The following TSNARE1 variants were observed in gnomAD, a reference collection of about 807,000 sequenced individuals.
The protein encoded by TSNARE1 is t-SNARE domain containing 1, also known as t-SNARE domain-containing protein 1.
A neutral mutation model predicts 62.0 loss-of-function variants in TSNARE1; 49 were observed. The observed-to-expected ratio is 0.79, with a 90% CI of 0.63 to 1.00. TSNARE1 has a LOEUF of 1.00. Ranked by LOEUF, TSNARE1 falls within the 50% of genes least tolerant of loss-of-function variation. TSNARE1 has a pLI of 0.00. For missense variants in TSNARE1, 755 were observed against 700.1 expected (o/e 1.08, Z -0.88); for synonymous variants, 328 against 294.4 (o/e 1.11, Z -1.17).
chr8:142,307,208 T>C (rs1258329582), intron 9 of TSNARE1, among the ~76,000 whole-genome samples: 1 of 152,186 alleles, frequency 6.6e-6, no homozygotes, highest in Non-Finnish European at 1.5e-5. Context: ...CTCAGCGTTA[T>C]GTCCGAGACA....
At chr8:142,274,919 C>A in intron 11 of TSNARE1, 56 bp from the exon 12 acceptor site, 1 of 1,443,988 alleles carries the variant, frequency 6.9e-7, no homozygotes. Flanking sequence ...CGCCCCCGCC[C>A]TGAGGACACC....
chr8:142,234,846 GAAGTCCCCT>G (rs1817325942), intron 12 of TSNARE1, among the ~76,000 whole-genome samples: 1 of 151,676 alleles, frequency 6.6e-6, no homozygotes, highest in African/African-American at 2.4e-5. Context: ...TCCACCTCCT[GAAGTCCCCT>G]CGTCCCCCCA....
chr8:142,343,402 T>C (rs1832861117), intron 4 of TSNARE1, among the ~76,000 whole-genome samples: 1 of 151,280 alleles, frequency 6.6e-6, no homozygotes, highest in African/African-American at 2.4e-5. Flanking sequence ...CGCGTGGCCA[T>C]GGGGAGCGTC....
intron 11 of TSNARE1, chr8:142,278,304 G>A (rs1162872989): frequency 8.1e-6 from 8 of 985,344 alleles, no homozygotes; most frequent in African/African-American, 1.7e-5. Flanking sequence ...GAGCAGCTGA[G>A]GATGCCCCAG....
intron 13 of TSNARE1, among the ~76,000 whole-genome samples, chr8:142,217,426 C>T (rs1385352620): frequency 2.6e-5 from 4 of 151,830 alleles, no homozygotes; most frequent in African/African-American, 7.3e-5. Context: ...AATGGCTGAC[C>T]CCACAAGAGG....
chr8:142,238,743 G>GCCCCTGCATGCCCA (rs1817554218), intron 12 of TSNARE1, among the ~76,000 whole-genome samples: 1 of 16,534 alleles, frequency 6.0e-5, no homozygotes, highest in African/African-American at 3.3e-4. Context: ...CTGCACGCCC[G>GCCCCTGCATGCCCA]CCCCTGCACG....
At chr8:142,279,246 G>A (rs1410772711) in intron 11 of TSNARE1, among the ~76,000 whole-genome samples, 1 of 152,246 alleles carries the variant, frequency 6.6e-6, no homozygotes, top group African/African-American at 2.4e-5. Flanking sequence ...CCGCTGGACT[G>A]CATCTGGAAG....
At position 142,284,418 on chromosome 8, in the gene TSNARE1, G is replaced by A; in HGVS notation, c.1358C>T (p.Ala453Val). 1 of 1,613,048 alleles carries A rather than the reference G, an allele frequency of 6.2e-7. No individual in the cohort carries two copies. Among genetic ancestry groups the A allele is most frequent in the Non-Finnish European group, 8.5e-7 (1 of 1,179,764 alleles). ...AGGCTGGGGCGGGTACCCACCAACA[G>A]CTTCTCCTTGCTCTGACACCATGGA... The part of the protein sequence containing the change: ...LASMVSEQGE[A>V]VDSIEASLEA... The change falls in exon 11 of 14, where the codon GCT becomes GTT. Residue 453 changes from alanine (A) to valine (V), a missense_variant. Coordinates refer to ENST00000524325, the MANE Select transcript of TSNARE1 (RefSeq NM_145003.5).
rs548077247 is a variant in TSNARE1, at chr8:142,397,715, G to A, written c.-40+5389C>T. Among the ~76,000 whole-genome samples the A allele has an allele frequency of 7.9e-5, 12 of 152,248 alleles. No individual in the cohort carries two copies. The South Asian group carries it at 1.7e-3, about 21-fold the overall frequency. Reference sequence around the variant, plus strand: ...CTGGCTTCCATGCTGGGGAGGGCTCGAGCCTGCAGCCTGAAGCCCAGGGTT... The same window carrying A: ...CTGGCTTCCATGCTGGGGAGGGCTCAAGCCTGCAGCCTGAAGCCCAGGGTT... On this transcript the variant is annotated intron_variant, in intron 1 of 13. Coordinates refer to ENST00000524325, the MANE Select transcript of TSNARE1 (RefSeq NM_145003.5).
chr8:142,395,879 G>C (rs1451274014), intron 1 of TSNARE1, among the ~76,000 whole-genome samples: 2 of 152,194 alleles, frequency 1.3e-5, no homozygotes, highest in African/African-American at 4.8e-5. Context: ...TGTTGGGAGA[G>C]ACTGATTCTG....
intron 13 of TSNARE1, among the ~76,000 whole-genome samples, chr8:142,225,934 G>A (rs1371250602): frequency 1.3e-5 from 2 of 152,170 alleles, no homozygotes; most frequent in Non-Finnish European, 2.9e-5. Flanking sequence ...AGCTTCTGGT[G>A]GTGCCAGGTG....
intron 1 of TSNARE1, among the ~76,000 whole-genome samples, chr8:142,394,172 G>A (rs1453397958): frequency 1.3e-5 from 2 of 152,232 alleles, no homozygotes; most frequent in Non-Finnish European, 2.9e-5. Context: ...GCGGCCTCCA[G>A]TGGCCTCCAT....
intron 1 of TSNARE1, among the ~76,000 whole-genome samples, chr8:142,380,202 G>A (rs1437174122): frequency 6.6e-6 from 1 of 152,220 alleles, no homozygotes; most frequent in Non-Finnish European, 1.5e-5. Context: ...GACAGAAACG[G>A]AGACACAGAT....
intron 4 of TSNARE1, among the ~76,000 whole-genome samples, chr8:142,335,986 T>C (rs1220421184): frequency 6.6e-6 from 1 of 152,000 alleles, no homozygotes; most frequent in African/African-American, 2.4e-5. Context: ...CCGATGAGAG[T>C]AAAAGCAAGA....
chr8:142,254,323 G>T (rs990488234), intron 12 of TSNARE1, among the ~76,000 whole-genome samples: 14 of 152,090 alleles, frequency 9.2e-5, no homozygotes, highest in Non-Finnish European at 1.9e-4. Context: ...CCCATGCCCC[G>T]GCCTCTCCCT....
chr8:142,369,451 A>G (rs904795725), intron 1 of TSNARE1, among the ~76,000 whole-genome samples: 3 of 152,230 alleles, frequency 2.0e-5, no homozygotes, highest in Non-Finnish European at 4.4e-5. Flanking sequence ...ATCAAAAAGT[A>G]CAAGACACAC....
At chr8:142,232,407 C>T (rs1817163163) in intron 12 of TSNARE1, among the ~76,000 whole-genome samples, 1 of 152,238 alleles carries the variant, frequency 6.6e-6, no homozygotes, top group African/African-American at 2.4e-5. Context: ...CTTACGTGGT[C>T]CCAGGTCAGG....
intron 1 of TSNARE1, among the ~76,000 whole-genome samples, chr8:142,364,541 A>T (rs1290286925): frequency 1.3e-5 from 2 of 152,176 alleles, no homozygotes; most frequent in African/African-American, 4.8e-5. Context: ...CTTGCTTCCT[A>T]AATACCACTC....
intron 12 of TSNARE1, among the ~76,000 whole-genome samples, chr8:142,256,373 CCACCAT>C (rs1563782837): frequency 9.7e-3 from 3 of 310 alleles, no homozygotes; most frequent in Non-Finnish European, 0.02. Flanking sequence ...ACCATCATCA[CCACCAT>C]CATCATCACC....
Sources: gnomAD v4.1 joint callset for allele counts (sites outside exome capture counted in the v4.1 genomes callset) on GRCh38, gnomAD v4.1.1 for gene constraint, MANE v1.5 for transcripts, NCBI Gene and HGNC (gene_info 2026-07-23, HGNC 2026-07-21) for gene names.